Variants in HERC4 observed in about 807,000 individuals in gnomAD.
HERC4 encodes the protein probable E3 ubiquitin-protein ligase HERC4.
A neutral mutation model predicts 124.3 loss-of-function variants in HERC4; 28 were observed. The ratio of observed to expected loss-of-function variants is 0.23; its 90% CI spans 0.17 to 0.31. HERC4 has a LOEUF of 0.31. Ranked by LOEUF, HERC4 falls within the 10% of genes least tolerant of loss-of-function variation. HERC4 has a pLI of 1.00. For synonymous variants in HERC4, 407 were observed against 421.5 expected (o/e 0.97, Z 0.42); for missense variants, 713 against 1,229.3 (o/e 0.58, Z 6.28).
chr10:68,063,208 T>G (rs1222160260), intron 3 of HERC4, among the ~76,000 whole-genome samples: 1 of 152,194 alleles, frequency 6.6e-6, no homozygotes, highest in South Asian at 2.1e-4. Flanking sequence ...TTTATTTATT[T>G]ACTTTATTAT....
intron 23 of HERC4, among the ~76,000 whole-genome samples, chr10:67,926,385 GA>G (rs1483430989): frequency 2.3e-4 from 34 of 145,746 alleles, no homozygotes; most frequent in African/African-American, 8.7e-4. Flanking sequence ...CAACAAGAGC[GA>G]AACTCCATCT....
Position 68,033,963 on chromosome 10 carries a change from A to G in HERC4, c.685+2T>C. On this transcript the variant is annotated splice_donor_variant, in intron 6 of 24. Coordinates refer to ENST00000373700, the MANE Select transcript of HERC4 (RefSeq NM_015601.4). LOFTEE classifies it high-confidence loss of function. ...CTTAAACTATACATAATGAGAACCT[A>G]CCATTTTCATCATTAAGACCTAGCT... is the stretch of plus-strand genomic sequence containing the variant. The G allele has an allele frequency of 6.2e-7, 1 of 1,611,178 alleles. No individual in the cohort carries two copies. The highest frequency in any genetic ancestry group is 8.5e-7 in the Non-Finnish European group (1 of 1,177,342).
intron 3 of HERC4, among the ~76,000 whole-genome samples, chr10:68,045,319 C>T (rs1022181532): frequency 3.9e-5 from 6 of 151,996 alleles, no homozygotes; most frequent in Non-Finnish European, 5.9e-5. Context: ...AGAGCCAGAC[C>T]GTGTCTCAAG....
chr10:67,999,889 T>C lies in HERC4; in HGVS notation c.1070-7207A>G, dbSNP rs368804590. ...ACTAAGTCTCCCTTCATTAGTAATA[T>C]ATTTATAAAGGTTCAATAAGAATAT... On this transcript the variant is annotated intron_variant, in intron 9 of 24. Coordinates refer to ENST00000373700, the MANE Select transcript of HERC4 (RefSeq NM_015601.4). Among the ~76,000 whole-genome samples, 20 of 152,310 alleles carry C rather than the reference T, an allele frequency of 1.3e-4. 1 individual carries two copies. The East Asian group carries it at 3.1e-3, about 23-fold the overall frequency.
intron 4 of HERC4, chr10:68,039,336 AAAG>A: frequency 6.8e-7 from 1 of 1,467,552 alleles, no homozygotes; most frequent in East Asian, 2.5e-5. Context: ...AAAAAAAAAG[AAAG>A]AAAGAAAAGA....
chr10:68,017,082 T>A (rs1191688674), intron 8 of HERC4, among the ~76,000 whole-genome samples: 2 of 152,244 alleles, frequency 1.3e-5, no homozygotes, highest in East Asian at 3.9e-4. Flanking sequence ...GGTTTGGCCA[T>A]ATAGTTTGCT....
chr10:67,996,320 C>G (rs1220670171), intron 9 of HERC4, among the ~76,000 whole-genome samples: 3 of 152,032 alleles, frequency 2.0e-5, no homozygotes, highest in Admixed American at 1.3e-4. Flanking sequence ...TAGACACCCC[C>G]CCTGCCCCAC....
At chr10:68,029,757 T>C (rs2039098841) in intron 7 of HERC4, among the ~76,000 whole-genome samples, 1 of 150,118 alleles carries the variant, frequency 6.7e-6, no homozygotes, top group Admixed American at 6.6e-5. Context: ...TTTTTTTTTT[T>C]TGAGACAGAG....
chr10:68,009,865 A>T (rs1264390085), intron 9 of HERC4, among the ~76,000 whole-genome samples: 2 of 152,234 alleles, frequency 1.3e-5, no homozygotes, highest in African/African-American at 4.8e-5. Context: ...CTTCACCAGC[A>T]GTAGGTTCCA....
chr10:68,011,048 A>G (rs909343987), intron 9 of HERC4, among the ~76,000 whole-genome samples: 3 of 152,084 alleles, frequency 2.0e-5, no homozygotes, highest in African/African-American at 7.2e-5. Context: ...CCAAACTCTT[A>G]TTGTTGGTAT....
intron 3 of HERC4, among the ~76,000 whole-genome samples, chr10:68,059,477 A>AATATTATATATTATAATATTATATATT (rs1564606829): frequency 1.0e-4 from 13 of 128,496 alleles, no homozygotes; most frequent in Non-Finnish European, 1.9e-4. Flanking sequence ...TATATATTAT[A>AATATTATATATTATAATATTATATATT]ATATTATATA....
intron 6 of HERC4, among the ~76,000 whole-genome samples, chr10:68,033,719 T>C (rs1050198270): frequency 1.3e-5 from 2 of 152,228 alleles, no homozygotes; most frequent in African/African-American, 2.4e-5. Context: ...TGTTTTTCAA[T>C]TGTCTTTTAA....
intron 3 of HERC4, among the ~76,000 whole-genome samples, chr10:68,056,446 C>A (rs2040554183): frequency 6.6e-6 from 1 of 152,122 alleles, no homozygotes; most frequent in Non-Finnish European, 1.5e-5. Flanking sequence ...TTCCACCATC[C>A]AGGAGATGAC....
At chr10:67,944,311 G>A (rs2033154709) in intron 19 of HERC4, among the ~76,000 whole-genome samples, 1 of 152,246 alleles carries the variant, frequency 6.6e-6, no homozygotes, top group South Asian at 2.1e-4. Flanking sequence ...TGATAATCCA[G>A]AGGATTCTTC....
chr10:67,987,494 G>C (rs1589255032), intron 15 of HERC4, among the ~76,000 whole-genome samples: 2 of 152,258 alleles, frequency 1.3e-5, no homozygotes, highest in East Asian at 3.9e-4. Context: ...TCGGCAAACA[G>C]TACACAGAAA....
chr10:68,008,511 A>T (rs763270771), intron 9 of HERC4, among the ~76,000 whole-genome samples: 1 of 152,350 alleles, frequency 6.6e-6, no homozygotes, highest in South Asian at 2.1e-4. Context: ...TTTGGCAGGC[A>T]GGAGAATGGG....
rs547131114 is a variant in HERC4, at chr10:67,931,656, C to T, written c.2838+941G>A. Reference sequence around the variant, plus strand: ...GCAAGGCTGGCCTGGAACTCCTGACCTCAGGTGATCCGCCCACCTTGGCCT... The same window carrying T: ...GCAAGGCTGGCCTGGAACTCCTGACTTCAGGTGATCCGCCCACCTTGGCCT... On this transcript the variant is annotated intron_variant, in intron 23 of 24. Transcript: ENST00000373700. Among the ~76,000 whole-genome samples, 9 of 152,040 alleles carry T rather than the reference C, an allele frequency of 5.9e-5. No homozygotes were observed. In the East Asian group the frequency reaches 1.8e-3, roughly 30 times the overall value.
intron 8 of HERC4, among the ~76,000 whole-genome samples, chr10:68,015,138 G>A (rs1256076663): frequency 6.6e-6 from 1 of 151,692 alleles, no homozygotes; most frequent in African/African-American, 2.4e-5. Flanking sequence ...CAGTGTCTCA[G>A]TTCCGAGCCT....
intron 16 of HERC4, among the ~76,000 whole-genome samples, chr10:67,957,445 A>C (rs923619396): frequency 3.3e-5 from 5 of 152,178 alleles, no homozygotes; most frequent in African/African-American, 9.7e-5. Context: ...TAATCTCTTC[A>C]TTTACTTAAT....
Sources: gnomAD v4.1 joint callset for allele counts (sites outside exome capture counted in the v4.1 genomes callset) on GRCh38, gnomAD v4.1.1 for gene constraint, MANE v1.5 for transcripts, NCBI Gene and HGNC (gene_info 2026-07-23, HGNC 2026-07-21) for gene names.